The following PCDHA10 variants were observed in gnomAD, a reference collection of about 807,000 sequenced individuals.
PCDHA10 encodes protocadherin alpha-10.
Under a neutral mutation model 61.2 loss-of-function variants are expected in PCDHA10, and 45 were observed. That is an observed-to-expected ratio of 0.74 (90% CI 0.58 to 0.94). The LOEUF is 0.94. Among genes scored for constraint, PCDHA10 ranks in the 40% least tolerant of loss-of-function variants. The pLI is 0.00. For synonymous variants in PCDHA10, 602 were observed against 548.8 expected (o/e 1.10, Z -1.35); for missense variants, 1,278 against 1,236.2 (o/e 1.03, Z -0.51).
intron 1 of PCDHA10, chr5:140,927,773 A>C (rs143568645): frequency 6.2e-7 from 1 of 1,614,078 alleles, no homozygotes; most frequent in Non-Finnish European, 8.5e-7. Flanking sequence ...GGGGAGGTGC[A>C]AGTAGCTGCT....
chr5:140,871,007 C>T (rs1554164969), intron 1 of PCDHA10: 1 of 1,613,314 alleles, frequency 6.2e-7, no homozygotes, highest in South Asian at 1.1e-5. Context: ...ACAACGCGTG[C>T]CCTGGACGAG....
chr5:140,899,050 G>A (rs1554188361), intron 1 of PCDHA10, among the ~76,000 whole-genome samples: 2 of 152,016 alleles, frequency 1.3e-5, no homozygotes, highest in African/African-American at 4.8e-5. Context: ...TGTATCCTGA[G>A]ACTTTGCTGA....
At chr5:140,962,223 A>G (rs951247075) in intron 1 of PCDHA10, among the ~76,000 whole-genome samples, 8 of 152,160 alleles carry the variant, frequency 5.3e-5, no homozygotes, top group Admixed American at 3.9e-4. Flanking sequence ...CTTGAGGTTC[A>G]AGTTTCACTT....
intron 1 of PCDHA10, chr5:140,870,230 G>A (rs782759965): frequency 9.3e-6 from 15 of 1,614,032 alleles, no homozygotes; most frequent in Non-Finnish European, 1.3e-5. Flanking sequence ...GTGTCTGACC[G>A]TGACTCAGGT....
chr5:140,877,508 C>G (rs892674985), intron 1 of PCDHA10: 1 of 1,613,808 alleles, frequency 6.2e-7, no homozygotes, highest in Admixed American at 1.7e-5. Flanking sequence ...CCAAAGACGT[C>G]GTCGCGGGCC....
Position 140,858,384 on chromosome 5 carries a change from T to C in PCDHA10, c.2336T>C (p.Met779Thr), listed in dbSNP as rs782413045. 1.8e-5 allele frequency: 29 copies of C among 1,582,610 alleles called. 1 individual carries two copies. The East Asian group carries it at 3.6e-4, about 20-fold the overall frequency. Reference protein sequence around the residue: ...AFSPSLPPCPMVDVDGEDQSI... With the variant: ...AFSPSLPPCPTVDVDGEDQSI... ...AGCCCCAGCCTTCCACCATGCCCAA[T>C]GGTAGATGTGGACGGGGAAGATCAG... Residue 779 changes from methionine (M) to threonine (T), a missense_variant, in exon 1 of 4, where the codon ATG becomes ACG. Met to Thr is a moderately conservative substitution (Grantham distance 81). Coordinates refer to ENST00000307360, the MANE Select transcript of PCDHA10 (RefSeq NM_018901.4).
At chr5:140,941,194 T>TCTTC (rs781904538) in intron 1 of PCDHA10, among the ~76,000 whole-genome samples, 2 of 112,354 alleles carry the variant, frequency 1.8e-5, no homozygotes, top group Non-Finnish European at 3.8e-5. Context: ...TCTTTTTTTT[T>TCTTC]CTTTCTTCCT....
chr5:140,875,134 T>G (rs2055288976), intron 1 of PCDHA10, among the ~76,000 whole-genome samples: 1 of 152,238 alleles, frequency 6.6e-6, no homozygotes, highest in Admixed American at 6.5e-5. Flanking sequence ...TAAACCCGCA[T>G]TTATAAATGA....
intron 1 of PCDHA10, among the ~76,000 whole-genome samples, chr5:140,890,162 A>G (rs1433054233): frequency 6.6e-6 from 1 of 152,184 alleles, no homozygotes; most frequent in Non-Finnish European, 1.5e-5. Context: ...TATTTCTGCC[A>G]CAGAAATAGG....
chr5:140,884,386 G>T (rs372595984), intron 1 of PCDHA10: 2 of 1,613,986 alleles, frequency 1.2e-6, no homozygotes, highest in African/African-American at 2.7e-5. Flanking sequence ...CCATCTGCGC[G>T]GTGTCCAGCC....
At chr5:140,883,760 CG>C (rs1160842473) in intron 1 of PCDHA10, 1 of 1,612,672 alleles carries the variant, frequency 6.2e-7, no homozygotes, top group Non-Finnish European at 8.5e-7. Context: ...GGTGGAGCGG[CG>C]GGTGGGCGAG....
intron 1 of PCDHA10, chr5:140,865,531 T>A (rs562505947): frequency 4.6e-5 from 7 of 152,326 alleles, no homozygotes; most frequent in African/African-American, 1.7e-4. Flanking sequence ...ATTCTCTTCA[T>A]CCATAGCTAT....
chr5:140,857,042 C>A lies in PCDHA10; in HGVS notation c.994C>A (p.His332Asn). The change falls in exon 1 of 4, where the codon CAC becomes AAC. Residue 332 changes from histidine (H) to asparagine (N), a missense_variant. His to Asn is a moderately conservative substitution (Grantham distance 68). Coordinates refer to ENST00000307360, the MANE Select transcript of PCDHA10 (RefSeq NM_018901.4). ...TDKGNPPMVG[H>N]CTVLVELLDE... The stretch of plus-strand genomic sequence containing the variant: ...TAAGGGAAACCCACCTATGGTTGGT[C>A]ACTGCACGGTCCTAGTGGAACTACT... The A allele has an allele frequency of 6.3e-7, 1 of 1,595,550 alleles. No homozygotes were observed. Among genetic ancestry groups the A allele is most frequent in the South Asian group, 1.1e-5 (1 of 90,470 alleles).
At chr5:140,911,449 C>G (rs1554194734) in intron 1 of PCDHA10, among the ~76,000 whole-genome samples, 1 of 152,116 alleles carries the variant, frequency 6.6e-6, no homozygotes, top group Non-Finnish European at 1.5e-5. Context: ...AATTTCAGCT[C>G]TTTCTCTACA....
chr5:140,971,580 T>C (rs1028418438), intron 1 of PCDHA10, among the ~76,000 whole-genome samples: 9 of 152,154 alleles, frequency 5.9e-5, no homozygotes, highest in African/African-American at 2.2e-4. Context: ...TTTCTTTTTT[T>C]CCTACCTAGT....
Position 141,011,486 on chromosome 5 carries a change from T to C in PCDHA10, c.*1549T>C, listed in dbSNP as rs887081256. ...GAATGTAATTCCATTATATTTCCTT[T>C]TGTACACCTGTGAAAAAGTGGAGTA... is the stretch of plus-strand genomic sequence containing the variant. On this transcript the variant is annotated 3_prime_UTR_variant, in exon 4 of 4. Coordinates refer to ENST00000307360, the MANE Select transcript of PCDHA10 (RefSeq NM_018901.4). 15 of 153,928 alleles carry C rather than the reference T, an allele frequency of 9.7e-5. No homozygotes were observed. Among genetic ancestry groups the C allele is most frequent in the African/African-American group, 2.9e-4 (12 of 41,596 alleles). The allele number at this position is 153,928 out of a possible 1,614,324, so 9.5% of individuals were successfully genotyped here.
chr5:140,967,984 C>G (rs2096207352), intron 1 of PCDHA10: 2 of 1,614,100 alleles, frequency 1.2e-6, no homozygotes, highest in African/African-American at 2.7e-5. Flanking sequence ...GTCTGGAGGC[C>G]ACACTGCCTT....
chr5:140,862,896 G>A (rs782777981), intron 1 of PCDHA10: 1 of 554,390 alleles, frequency 1.8e-6, no homozygotes, highest in East Asian at 4.8e-5. Flanking sequence ...CGACAACTTT[G>A]TCTGCGCTGC....
At chr5:141,007,878 C>G (rs1316002060) in intron 3 of PCDHA10, among the ~76,000 whole-genome samples, 5 of 152,212 alleles carry the variant, frequency 3.3e-5, no homozygotes, top group African/African-American at 7.2e-5. Flanking sequence ...TTGTCTTACA[C>G]TTCTTTAAAA....
Sources: allele counts gnomAD v4.1 joint callset (sites outside exome capture counted in the v4.1 genomes callset), GRCh38; gene constraint gnomAD v4.1.1; transcripts MANE v1.5; gene names NCBI Gene and HGNC (gene_info 2026-07-23, HGNC 2026-07-21).